ZC3HC1: variants seen among roughly 807,000 people sequenced by gnomAD.
The protein encoded by ZC3HC1 is zinc finger C3HC-type containing 1.
ZC3HC1 carries 38 observed loss-of-function variants against 61.9 expected under a neutral mutation model. The ratio of observed to expected loss-of-function variants is 0.61; its 90% CI spans 0.47 to 0.81. The LOEUF is 0.81. Among genes scored for constraint, ZC3HC1 ranks in the 30% least tolerant of loss-of-function variants. ZC3HC1 has a pLI of 0.00. For missense variants in ZC3HC1, 554 were observed against 622.7 expected, an observed-to-expected ratio of 0.89 and a Z score of 1.17; for synonymous variants, 213 against 229.9, an observed-to-expected ratio of 0.93 and a Z score of 0.67.
chr7:130,046,562 G>C (rs1794873962), intron 2 of ZC3HC1, among the ~76,000 whole-genome samples: 1 of 150,448 alleles, frequency 6.6e-6, no homozygotes, highest in Admixed American at 6.7e-5. Flanking sequence ...AGCCAAGATG[G>C]CACCACTGTA....
At chr7:130,049,913 A>G (rs1348568355) in intron 1 of ZC3HC1, among the ~76,000 whole-genome samples, 2 of 113,966 alleles carry the variant, frequency 1.8e-5, no homozygotes, top group Non-Finnish European at 3.9e-5. Context: ...GACCTTTCAT[A>G]CCCACTCCTT....
rs764713545 is a variant in ZC3HC1 at position 130,018,639 on chromosome 7, T to A, written c.*25A>T. On this transcript the variant is annotated 3_prime_UTR_variant, in exon 10 of 10. Transcript: ENST00000358303. ...CAAAAAGTCACTCTCATTCCAGCTA[T>A]CTCCAGGAAGGCGCTGGAGTATCTT... 5 of 1,582,078 alleles carry A rather than the reference T, an allele frequency of 3.2e-6. No individual in the cohort carries two copies. Among genetic ancestry groups the A allele is most frequent in the African/African-American group, 1.3e-5 (1 of 74,376 alleles).
intron 4 of ZC3HC1, among the ~76,000 whole-genome samples, chr7:130,037,798 A>G (rs1454139352): frequency 2.0e-5 from 3 of 152,158 alleles, no homozygotes; most frequent in African/African-American, 7.2e-5. Context: ...CCTACATGGC[A>G]CTGATTCCTG....
At chr7:130,043,759 C>T (rs1794766484) in intron 2 of ZC3HC1, 1 of 425,164 alleles carries the variant, frequency 2.4e-6, no homozygotes. Context: ...CAGGCATTCA[C>T]TTGCGGGCAG....
intron 9 of ZC3HC1, among the ~76,000 whole-genome samples, chr7:130,021,786 A>T (rs1278946862): frequency 6.6e-6 from 1 of 152,172 alleles, no homozygotes; most frequent in African/African-American, 2.4e-5. Context: ...AGAACAAAAG[A>T]ATTTATCAGA....
chr7:130,026,383 C>G (rs900861344), intron 5 of ZC3HC1, 71 bp from the exon 6 acceptor site: 1 of 1,505,978 alleles, frequency 6.6e-7, no homozygotes, highest in South Asian at 1.2e-5. Context: ...TATAACATAC[C>G]TAGATGGTAC....
intron 6 of ZC3HC1, 52 bp downstream of exon 6, chr7:130,026,106 G>A: frequency 1.3e-6 from 2 of 1,580,322 alleles, no homozygotes; most frequent in African/African-American, 2.7e-5. Flanking sequence ...ATATATATGG[G>A]TGTAATGCTG....
At chr7:130,048,231 A>T (rs896003199) in intron 2 of ZC3HC1, among the ~76,000 whole-genome samples, 4 of 147,868 alleles carry the variant, frequency 2.7e-5, no homozygotes, top group Non-Finnish European at 4.4e-5. Context: ...CTCACTGCAA[A>T]CTCTGCCTCC....
At chr7:130,035,530 T>C (rs2116725919) in intron 4 of ZC3HC1, among the ~76,000 whole-genome samples, 1 of 152,114 alleles carries the variant, frequency 6.6e-6, no homozygotes, top group South Asian at 2.1e-4. Flanking sequence ...ATCAGCACTT[T>C]TTTTTTTAAT....
chr7:130,023,413 G>T lies in ZC3HC1; in HGVS notation c.1233+98C>A. The T allele has an allele frequency of 1.7e-6, 2 of 1,166,540 alleles. No homozygotes were observed. Among genetic ancestry groups the T allele is most frequent in the Non-Finnish European group, 2.4e-6 (2 of 817,608 alleles). 72.3% of individuals were successfully genotyped at this position (1,166,540 alleles called of 1,614,324 possible). ...ATTCACATGGTCTACTTTTTGCATT[G>T]GACCACGGAAGGGCTCCTGCCTGCT... On this transcript the variant is annotated intron_variant, in intron 8 of 9. Transcript: ENST00000358303. This position sits in a 1 kb window ranked among gnomAD's most constrained non-coding sequence, Gnocchi z 4.2.
chr7:130,033,743 CGCCTG>C, intron 4 of ZC3HC1, among the ~76,000 whole-genome samples: 1 of 152,054 alleles, frequency 6.6e-6, no homozygotes, highest in East Asian at 1.9e-4. Context: ...TGAGCCACCA[CGCCTG>C]GCCTGTCTGT....
intron 5 of ZC3HC1, 116 bp downstream of exon 5, chr7:130,028,786 A>C (rs1794044744): frequency 2.2e-6 from 3 of 1,377,194 alleles, no homozygotes; most frequent in Admixed American, 5.1e-5. Context: ...CAGATGAGAG[A>C]CAGACAAGCA....
chr7:130,035,389 C>CAA (rs1418163522), intron 4 of ZC3HC1, among the ~76,000 whole-genome samples: 2,195 of 59,076 alleles, frequency 0.037, 92 homozygotes, highest in African/African-American at 0.11. Context: ...GAGACTGTCT[C>CAA]AAAAAAAAAA....
intron 3 of ZC3HC1, among the ~76,000 whole-genome samples, chr7:130,039,978 C>T (rs1264865676): frequency 6.6e-6 from 1 of 151,134 alleles, no homozygotes; most frequent in African/African-American, 2.4e-5. Flanking sequence ...CTTCAGCCTC[C>T]CAAAATGCTG....
chr7:130,027,604 G>A (rs1027833430), intron 5 of ZC3HC1, among the ~76,000 whole-genome samples: 1 of 151,848 alleles, frequency 6.6e-6, no homozygotes, highest in Admixed American at 6.6e-5. Flanking sequence ...ACTGCAACCT[G>A]TCTCCCAGGT....
chr7:130,046,454 A>C (rs1246305730), intron 2 of ZC3HC1, among the ~76,000 whole-genome samples: 1 of 151,964 alleles, frequency 6.6e-6, no homozygotes, highest in African/African-American at 2.4e-5. Context: ...TAAAATACAA[A>C]AAATTAGCCA....
At chr7:130,049,226 A>C in intron 1 of ZC3HC1, 82 bp from the exon 2 acceptor site, 1 of 954,940 alleles carries the variant, frequency 1.0e-6, no homozygotes, top group South Asian at 2.5e-5. Flanking sequence ...TACACATCGT[A>C]TCATAAATCA....
chr7:130,030,041 T>C (rs1444309988), intron 4 of ZC3HC1, among the ~76,000 whole-genome samples: 1 of 152,152 alleles, frequency 6.6e-6, no homozygotes, highest in Non-Finnish European at 1.5e-5. Flanking sequence ...TATACTATAG[T>C]ATAATTATCT....
chr7:130,029,416 G>A (rs1794079136), intron 4 of ZC3HC1, among the ~76,000 whole-genome samples: 1 of 152,004 alleles, frequency 6.6e-6, no homozygotes, highest in Admixed American at 6.6e-5. Flanking sequence ...AACACATATT[G>A]AATGATTGAG....
Sources: gnomAD v4.1 joint callset for allele counts (sites outside exome capture counted in the v4.1 genomes callset) on GRCh38, gnomAD v4.1.1 for gene constraint, Gnocchi (gnomAD v3.1) non-coding constraint, MANE v1.5 for transcripts, NCBI Gene and HGNC (gene_info 2026-07-23, HGNC 2026-07-21) for gene names.